Variants in FAM228A observed in about 807,000 individuals in gnomAD.
The protein encoded by FAM228A is family with sequence similarity 228 member A.
In FAM228A, 13 loss-of-function variants were observed where a neutral mutation model predicts 18.6. The ratio of observed to expected loss-of-function variants is 0.70; its 90% CI spans 0.45 to 1.11. The LOEUF (loss-of-function observed/expected upper bound fraction) is 1.11, where lower values mean the gene tolerates loss of function less well. FAM228A is among the 50% of genes least tolerant of loss of function. The probability of loss-of-function intolerance (pLI) is 0.00; values close to 1 mark genes in which losing one functional copy is unlikely to be tolerated. For missense variants in FAM228A, 240 were observed against 242.2 expected (o/e 0.99, Z 0.06); for synonymous variants, 77 against 86.6 (o/e 0.89, Z 0.61).
chr2:24,189,181 CT>C (rs1668025433), intron 5 of FAM228A, among the ~76,000 whole-genome samples: 1 of 152,072 alleles, frequency 6.6e-6, no homozygotes, highest in South Asian at 2.1e-4. Context: ...CCAGAGTGGT[CT>C]TTTTAAAGTG....
chr2:24,186,887 T>C (rs1203911499), intron 5 of FAM228A, among the ~76,000 whole-genome samples: 2 of 152,214 alleles, frequency 1.3e-5, no homozygotes, highest in Non-Finnish European at 2.9e-5. Context: ...CCGCTCACCT[T>C]GGCTTCCCAG....
intron 3 of FAM228A, among the ~76,000 whole-genome samples, chr2:24,180,170 A>G (rs1399912137): frequency 6.6e-6 from 1 of 151,716 alleles, no homozygotes; most frequent in Admixed American, 6.6e-5. Context: ...TATCTAGAGT[A>G]GTGGCTGGGT....
At chr2:24,188,128 A>G (rs1028722905) in intron 5 of FAM228A, among the ~76,000 whole-genome samples, 1 of 151,280 alleles carries the variant, frequency 6.6e-6, no homozygotes, top group Admixed American at 6.6e-5. Flanking sequence ...TATATTTTCT[A>G]TCCTTTTTGT....
chr2:24,177,916 C>A (rs745450942), intron 3 of FAM228A, 46 bp downstream of exon 3: 3 of 1,236,764 alleles, frequency 2.4e-6, no homozygotes, highest in South Asian at 2.7e-5. Flanking sequence ...TCTAGGGGAG[C>A]AAGAGTGTGC....
chr2:24,177,327 C>G (rs1667715003), intron 2 of FAM228A, among the ~76,000 whole-genome samples: 1 of 152,134 alleles, frequency 6.6e-6, no homozygotes, highest in Non-Finnish European at 1.5e-5. Flanking sequence ...GTAATCCCAG[C>G]TACTTGGGAG....
intron 3 of FAM228A, among the ~76,000 whole-genome samples, chr2:24,180,887 A>C (rs1436209587): frequency 6.6e-6 from 1 of 152,182 alleles, no homozygotes; most frequent in African/African-American, 2.4e-5. Context: ...CTTTATAGGA[A>C]GAAAACTGGA....
chr2:24,190,082 G>A (rs1668044043), intron 5 of FAM228A, among the ~76,000 whole-genome samples: 1 of 152,150 alleles, frequency 6.6e-6, no homozygotes, highest in Non-Finnish European at 1.5e-5. Flanking sequence ...GGCAAGTGGA[G>A]GCGCCGTTCT....
rs1449613260 is a variant in FAM228A, at chr2:24,191,247, GC to G, written c.*617del. 2.0e-6 allele frequency: 2 copies of G among 985,466 alleles called. No homozygotes were observed. Among genetic ancestry groups the G allele is most frequent in the Non-Finnish European group, 2.4e-6 (2 of 830,098 alleles). 61.0% of individuals were successfully genotyped at this position (985,466 alleles called of 1,614,324 possible). A position where few individuals can be genotyped will look rare whatever the true frequency, so the allele number is the denominator to read the frequency against. On this transcript the variant is annotated 3_prime_UTR_variant, in exon 6 of 6. Transcript: ENST00000295150. Reference sequence around the variant, plus strand: ...GACCCTCCCAGGGAAGGCCTAGGGGGCTTGGTGGGCCACCGCTCAGCTCAGG... The same window carrying G: ...GACCCTCCCAGGGAAGGCCTAGGGGGTTGGTGGGCCACCGCTCAGCTCAGG...
At position 24,190,704 on chromosome 2, in the gene FAM228A, G is replaced by A; in HGVS notation, c.*73G>A. On this transcript the variant is annotated 3_prime_UTR_variant, in exon 6 of 6. Coordinates refer to ENST00000295150, the MANE Select transcript of FAM228A (RefSeq NM_001040710.3). ...AGGCATGGCCCAAGAAGAAGGGTGTGAAGAGGAGGAGGGAGAAATGGCGGT... is the reference window on the plus strand; with the variant it reads ...AGGCATGGCCCAAGAAGAAGGGTGTAAAGAGGAGGAGGGAGAAATGGCGGT... 2.1e-6 allele frequency: 3 copies of A among 1,461,000 alleles called. No homozygotes were observed. The highest frequency in any genetic ancestry group is 2.7e-6 in the Non-Finnish European group (3 of 1,105,624). 90.5% of individuals were successfully genotyped at this position (1,461,000 alleles called of 1,614,324 possible).
rs1668079877 is a variant in FAM228A at position 24,191,327 on chromosome 2, C to T, written c.*696C>T. ...ACCACACACACAGGATGGGGGACTG[C>T]TGCTGCTTTCCAGCCTGTGAGCCTG... On this transcript the variant is annotated 3_prime_UTR_variant, in exon 6 of 6. Transcript: ENST00000295150. The T allele has an allele frequency of 1.0e-6, 1 of 985,688 alleles. No individual in the cohort carries two copies. The highest frequency in any genetic ancestry group is 1.2e-6 in the Non-Finnish European group (1 of 830,158). The allele number at this position is 985,688 out of a possible 1,614,324, so 61.1% of individuals were successfully genotyped here. A position where few individuals can be genotyped will look rare whatever the true frequency, so the allele number is the denominator to read the frequency against.
At chr2:24,189,777 G>A (rs1264172560) in intron 5 of FAM228A, among the ~76,000 whole-genome samples, 1 of 152,144 alleles carries the variant, frequency 6.6e-6, no homozygotes, top group East Asian at 1.9e-4. Flanking sequence ...AGAGCACGTG[G>A]CGAGGTGAGG....
chr2:24,186,839 T>C (rs1667960654), intron 5 of FAM228A, among the ~76,000 whole-genome samples: 1 of 152,118 alleles, frequency 6.6e-6, no homozygotes, highest in East Asian at 1.9e-4. Context: ...GGGTTTCACG[T>C]TGGTCAGGCT....
Position 24,191,192 on chromosome 2 carries a change from A to G in FAM228A, c.*561A>G. The stretch of plus-strand genomic sequence containing the variant: ...TATTTCCCCTTCCATTCTCTCCGCC[A>G]CGCCCTGTGCCCTGAGGCCTGAGGC... On this transcript the variant is annotated 3_prime_UTR_variant, in exon 6 of 6. Coordinates refer to ENST00000295150, the MANE Select transcript of FAM228A (RefSeq NM_001040710.3). 1 of 985,568 alleles carries G rather than the reference A, an allele frequency of 1.0e-6. No individual in the cohort carries two copies. The highest frequency in any genetic ancestry group is 1.7e-5 in the African/African-American group (1 of 57,332). The allele number at this position is 985,568 out of a possible 1,614,324, so 61.1% of individuals were successfully genotyped here.
intron 2 of FAM228A, among the ~76,000 whole-genome samples, chr2:24,176,770 T>C (rs1436242290): frequency 2.0e-5 from 3 of 152,206 alleles, no homozygotes; most frequent in Admixed American, 2.0e-4. Context: ...GAATCAGAAA[T>C]TGAATAACAG....
chr2:24,175,653 T>G (rs1407363311), intron 2 of FAM228A, 80 bp downstream of exon 2: 2 of 1,078,328 alleles, frequency 1.9e-6, no homozygotes, highest in Admixed American at 3.7e-5. Context: ...TTAATTTCGC[T>G]TCTGTTCTCA....
At chr2:24,185,225 G>T (rs998290040) in intron 5 of FAM228A, among the ~76,000 whole-genome samples, 1 of 151,984 alleles carries the variant, frequency 6.6e-6, no homozygotes, top group African/African-American at 2.4e-5. Context: ...TCCCTTTAAT[G>T]ATACCCATTT....
Position 24,183,608 on chromosome 2 carries a change from G to T in FAM228A, c.364G>T (p.Ala122Ser). ...HCVIPKEWHKASARARSKTYK... is the reference protein window; with the variant it reads ...HCVIPKEWHKSSARARSKTYK... ...TGTGATTCCAAAAGAGTGGCATAAA[G>T]CCTCTGCAAGAGCCAGGAGTAAAAC... is the stretch of plus-strand genomic sequence containing the variant. The change falls in exon 5 of 6, where the codon GCC becomes TCC. Residue 122 changes from alanine to serine, a missense_variant. Transcript: ENST00000295150. 6.2e-7 allele frequency: 1 copy of T among 1,612,148 alleles called. No homozygotes were observed. Among genetic ancestry groups the T allele is most frequent in the Non-Finnish European group, 8.5e-7 (1 of 1,179,274 alleles).
chr2:24,189,210 G>T (rs966717150), intron 5 of FAM228A, among the ~76,000 whole-genome samples: 3 of 152,068 alleles, frequency 2.0e-5, no homozygotes, highest in Non-Finnish European at 4.4e-5. Flanking sequence ...CTCCTCCACT[G>T]GAAACCCTTC....
At chr2:24,188,587 C>T (rs888794821) in intron 5 of FAM228A, 1 of 985,362 alleles carries the variant, frequency 1.0e-6, no homozygotes, top group Non-Finnish European at 1.2e-6. Context: ...GACCCAAAGA[C>T]AAAAATCCAC....
Sources: allele counts gnomAD v4.1 joint callset (sites outside exome capture counted in the v4.1 genomes callset), GRCh38; gene constraint gnomAD v4.1.1; transcripts MANE v1.5; gene names NCBI Gene and HGNC (gene_info 2026-07-23, HGNC 2026-07-21).